Variants in NLRP12 observed in about 807,000 individuals in gnomAD.
NLRP12 encodes the protein NACHT, LRR and PYD domains-containing protein 12.
In NLRP12, 108 loss-of-function variants were observed where a neutral mutation model predicts 91.2. The observed-to-expected ratio is 1.18, with a 90% CI of 1.01 to 1.39. The LOEUF (loss-of-function observed/expected upper bound fraction) is 1.39. NLRP12 is among the 40% of genes most tolerant of loss of function. The pLI is 0.00. For synonymous variants in NLRP12, 613 were observed against 566.7 expected, an observed-to-expected ratio of 1.08 and a Z score of -1.16; for missense variants, 1,530 against 1,352.7, an observed-to-expected ratio of 1.13 and a Z score of -2.06.
rs564472320 is a variant in NLRP12, at chr19:53,813,662, T to C, written c.370+1246A>G. Among the ~76,000 whole-genome samples the C allele has an allele frequency of 4.0e-5, 6 of 151,502 alleles. No homozygotes were observed. In the East Asian group the frequency reaches 1.2e-3, roughly 30 times the overall value. On this transcript the variant is annotated intron_variant, in intron 2 of 9. Transcript: ENST00000324134. ...GACTACTCTAGGTGCCTTAGATAAG[T>C]GGAATCATACAATATTTGTACCCCT...
At position 53,810,980 on chromosome 19, in the gene NLRP12, C is replaced by T. The variant is rs1184557620; in HGVS notation, c.679G>A (p.Ala227Thr). Residue 227 changes from alanine (A) to threonine (T), a missense_variant, in exon 3 of 10, where the codon GCA becomes ACA. Transcript: ENST00000324134. Reference sequence around the variant, plus strand: ...GCCCAGTCCAGCATCACCTTGTGTGCCAGCATGGACTTGCCTATCCCTGCC... The same window carrying T: ...GCCCAGTCCAGCATCACCTTGTGTGTCAGCATGGACTTGCCTATCCCTGCC... The part of the protein sequence containing the change: ...GAAGIGKSML[A>T]HKVMLDWADG... The T allele has an allele frequency of 1.2e-6, 2 of 1,614,164 alleles. No individual in the cohort carries two copies. The highest frequency in any genetic ancestry group is 1.7e-6 in the Non-Finnish European group (2 of 1,180,048).
rs768192429 is a variant in NLRP12, at chr19:53,805,318, C to T, written c.2376G>A (p.Glu792=). 3.7e-6 allele frequency: 6 copies of T among 1,614,072 alleles called. No individual in the cohort carries two copies. The South Asian group carries it at 6.6e-5, about 18-fold the overall frequency. The change falls in exon 5 of 10, where the codon GAG becomes GAA. Residue 792 remains glutamate (E), a synonymous_variant. Transcript: ENST00000324134. ...GCCTGCACTGGGGATGCCGCAGGCC[C>T]TCGCAAAGCAGCATCATGCCTGGGA... The part of the protein sequence containing the change: ...VGFPGMMLLC[E]GLRHPQCRLQ...
Position 53,819,525 on chromosome 19 carries a change from ATG to A in NLRP12, c.289+4359_289+4360del, listed in dbSNP as rs1289132844. On this transcript the variant is annotated intron_variant, in intron 1 of 9. Coordinates refer to ENST00000324134, the MANE Select transcript of NLRP12 (RefSeq NM_144687.4). The stretch of plus-strand genomic sequence containing the variant: ...TATATATGTATACATATGTGTATAT[ATG>A]TGTGTATGTATACGTATATATATGT... Among the ~76,000 whole-genome samples, 2 of 59,240 alleles carry A rather than the reference ATG, an allele frequency of 3.4e-5. 1 individual carries two copies. The highest frequency in any genetic ancestry group is 1.4e-4 in the African/African-American group (2 of 14,190). The allele number at this position is 59,240 out of a possible 152,430, so 38.9% of individuals were successfully genotyped here.
rs2092056004 is a variant in NLRP12 at position 53,810,709 on chromosome 19, T to TTC, written c.948_949dup (p.Lys317ArgfsTer12). On this transcript the variant is annotated frameshift_variant, in exon 3 of 10. Coordinates refer to ENST00000324134, the MANE Select transcript of NLRP12 (RefSeq NM_144687.4). LOFTEE classifies it high-confidence loss of function. ...GTTAAGAAGCAGCTCCGTGGGCCGT[T>TTC]TCTCCTCCCAGCAGAGGCACCAGGG... is the stretch of plus-strand genomic sequence containing the variant. The TTC allele has an allele frequency of 2.5e-6, 4 of 1,614,010 alleles. No homozygotes were observed. The highest frequency in any genetic ancestry group is 1.6e-4 in the Middle Eastern group (1 of 6,062).
At chr19:53,813,707 G>A (rs2092115772) in intron 2 of NLRP12, among the ~76,000 whole-genome samples, 1 of 150,838 alleles carries the variant, frequency 6.6e-6, no homozygotes, top group Non-Finnish European at 1.5e-5. Context: ...TTTTTTTTGA[G>A]ACAGGGTCTT....
intron 5 of NLRP12, 95 bp from the exon 6 acceptor site, chr19:53,804,217 G>C: frequency 1.4e-6 from 2 of 1,390,574 alleles, no homozygotes; most frequent in Non-Finnish European, 2.0e-6. Context: ...TTTAGGAACA[G>C]GTTGTTGCTC....
Position 53,815,284 on chromosome 19 carries a change from A to G in NLRP12, c.290-296T>C, listed in dbSNP as rs2092141666. Among the ~76,000 whole-genome samples, 5 of 138,378 alleles carry G rather than the reference A, an allele frequency of 3.6e-5. No individual in the cohort carries two copies. In the South Asian group the frequency reaches 1.1e-3, roughly 31 times the overall value. The allele number at this position is 138,378 out of a possible 152,430, so 90.8% of individuals were successfully genotyped here. ...TGCTCTGTTGCCCAGGCTGGAATGCAGTGGCATGATCTCGGCTCACCACAA... is the reference window on the plus strand; with the variant it reads ...TGCTCTGTTGCCCAGGCTGGAATGCGGTGGCATGATCTCGGCTCACCACAA... On this transcript the variant is annotated intron_variant, in intron 1 of 9. Transcript: ENST00000324134.
At chr19:53,795,380 ATTT>A (rs71304175) in intron 9 of NLRP12, among the ~76,000 whole-genome samples, 3 of 147,810 alleles carry the variant, frequency 2.0e-5, no homozygotes, top group African/African-American at 5.0e-5. Context: ...AGACAAGGAA[ATTT>A]TTTTTTTTTG....
rs1022649335 is a variant in NLRP12, at chr19:53,798,407, G to A, written c.2763C>T (p.Gly921=). ...PTCKLQTLRL[G]ICRLGSAACE... ...AGGCGGCAGAGCCCAGCCGGCAGAT[G>A]CCCAACCTGCAAAGACAGGATGCTA... The change falls in exon 8 of 10, where the codon GGC becomes GGT. Residue 921 remains glycine, a synonymous_variant. Transcript: ENST00000324134. 4.3e-6 allele frequency: 7 copies of A among 1,613,790 alleles called. No homozygotes were observed. The highest frequency in any genetic ancestry group is 5.9e-6 in the Non-Finnish European group (7 of 1,179,936).
At position 53,810,971 on chromosome 19, in the gene NLRP12, C is replaced by T; in HGVS notation, c.688G>A (p.Val230Met). 1.8e-5 allele frequency: 29 copies of T among 1,614,176 alleles called. No individual in the cohort carries two copies. Among genetic ancestry groups the T allele is most frequent in the Non-Finnish European group, 2.4e-5 (28 of 1,180,038 alleles). The change falls in exon 3 of 10, where the codon GTG (valine) becomes ATG (methionine). Residue 230 changes from valine to methionine, a missense_variant. Val to Met is a conservative substitution (Grantham distance 21). Coordinates refer to ENST00000324134, the MANE Select transcript of NLRP12 (RefSeq NM_144687.4). ...GIGKSMLAHKVMLDWADGKLF... is the reference protein window; with the variant it reads ...GIGKSMLAHKMMLDWADGKLF... Reference sequence around the variant, plus strand: ...TTCCCGTCCGCCCAGTCCAGCATCACCTTGTGTGCCAGCATGGACTTGCCT... The same window carrying T: ...TTCCCGTCCGCCCAGTCCAGCATCATCTTGTGTGCCAGCATGGACTTGCCT...
intron 9 of NLRP12, among the ~76,000 whole-genome samples, chr19:53,795,369 C>A (rs1600667341): frequency 7.5e-6 from 1 of 132,586 alleles, no homozygotes; most frequent in African/African-American, 2.9e-5. Flanking sequence ...TCCCCTTCAA[C>A]AGACAAGGAA....
intron 1 of NLRP12, among the ~76,000 whole-genome samples, chr19:53,815,902 G>T (rs998588625): frequency 6.6e-6 from 1 of 151,610 alleles, no homozygotes. Flanking sequence ...GAGCCACTGC[G>T]CCTGGCGACT....
At position 53,810,120 on chromosome 19, in the gene NLRP12, G is replaced by C. The variant is rs776759910; in HGVS notation, c.1539C>G (p.Ile513Met). 6.2e-7 allele frequency: 1 copy of C among 1,614,084 alleles called. No homozygotes were observed. The highest frequency in any genetic ancestry group is 1.3e-5 in the African/African-American group (1 of 74,934). The change falls in exon 3 of 10, where the codon ATC (isoleucine) becomes ATG (methionine). Residue 513 changes from isoleucine (I) to methionine (M), a missense_variant. Physicochemically the swap from Ile to Met is conservative, Grantham distance 10. Coordinates refer to ENST00000324134, the MANE Select transcript of NLRP12 (RefSeq NM_144687.4). ...CAAAGAATTCCTGGAAACTCAAGTG[G>C]ATGAAGCTGTAGTACCTCTCACAGT... ...DINCERYYSF[I>M]HLSFQEFFAA...
rs2091864572 is a variant in NLRP12 at position 53,801,245 on chromosome 19, C to T, written c.2738G>A (p.Cys913Tyr). 6.2e-7 allele frequency: 1 copy of T among 1,613,820 alleles called. No individual in the cohort carries two copies. The highest frequency in any genetic ancestry group is 1.3e-5 in the African/African-American group (1 of 74,866). Reference protein sequence around the residue: ...LLCEGLRHPTCKLQTLRLGIC... With the variant: ...LLCEGLRHPTYKLQTLRLGIC... ...GACTCACCGCAGGGTCTGGAGCTTG[C>T]ACGTGGGATGCCTGAGGCCCTCACA... The change falls in exon 7 of 10, where the codon TGC becomes TAC. Residue 913 changes from cysteine to tyrosine, a missense_variant. Cys to Tyr is a radical substitution (Grantham distance 194, BLOSUM62 -2). Transcript: ENST00000324134.
chr19:53,802,070 A>G (rs562092923), intron 6 of NLRP12, among the ~76,000 whole-genome samples: 1 of 151,888 alleles, frequency 6.6e-6, no homozygotes, highest in East Asian at 2.0e-4. Flanking sequence ...TCTACTAAAT[A>G]CAAAAAATTA....
chr19:53,794,238 G>T, intron 9 of NLRP12, 102 bp from the exon 10 acceptor site: 1 of 840,138 alleles, frequency 1.2e-6, no homozygotes, highest in Non-Finnish European at 2.1e-6. Context: ...ATAATTCCAT[G>T]ATCCTCCAGA....
At chr19:53,797,938 C>T (rs554778905) in intron 8 of NLRP12, among the ~76,000 whole-genome samples, 4 of 145,460 alleles carry the variant, frequency 2.7e-5, no homozygotes, top group Non-Finnish European at 3.0e-5. Context: ...AGGGTTTCAC[C>T]GTGTTAGGCT....
chr19:53,804,063 G>A lies in NLRP12; in HGVS notation c.2474C>T (p.Thr825Ile). The change falls in exon 6 of 10, where the codon ACC becomes ATC. Residue 825 changes from threonine (T) to isoleucine (I), a missense_variant. Physicochemically the swap from Thr to Ile is moderately conservative, Grantham distance 89. Transcript: ENST00000324134. ...ACQEMASVLG[T>I]NPHLVELDLT... ...GTCCAACTCAACCAGATGTGGGTTG[G>A]TGCCGAGCACAGAAGCCATCTCCTG... 1 of 1,614,050 alleles carries A rather than the reference G, an allele frequency of 6.2e-7. No individual in the cohort carries two copies.
At position 53,809,981 on chromosome 19, in the gene NLRP12, T is replaced by G; in HGVS notation, c.1678A>C (p.Ser560Arg). 2 of 1,614,102 alleles carry G rather than the reference T, an allele frequency of 1.2e-6. No homozygotes were observed. Among genetic ancestry groups the G allele is most frequent in the South Asian group, 2.2e-5 (2 of 91,084 alleles). The change falls in exon 3 of 10, where the codon AGC becomes CGC. Residue 560 changes from serine to arginine, a missense_variant. Ser to Arg is a moderately radical substitution (Grantham distance 110). Coordinates refer to ENST00000324134, the MANE Select transcript of NLRP12 (RefSeq NM_144687.4). ...FSERSFLALTSRFLFGLLNEE... is the reference protein window; with the variant it reads ...FSERSFLALTRRFLFGLLNEE... ...TTCAGGAGTCCAAACAGGAAGCGGC[T>G]GGTGAGTGCCAGGAAGCTCCTTTCA...
Sources: gnomAD v4.1 joint callset for allele counts (sites outside exome capture counted in the v4.1 genomes callset) on GRCh38, gnomAD v4.1.1 for gene constraint, MANE v1.5 for transcripts, NCBI Gene and HGNC (gene_info 2026-07-23, HGNC 2026-07-21) for gene names.